DCAF5: variants seen among roughly 807,000 people sequenced by gnomAD.
DCAF5 encodes the protein DDB1 and CUL4 associated factor 5, also known as DDB1- and CUL4-associated factor 5.
A neutral mutation model predicts 80.7 loss-of-function variants in DCAF5; 9 were observed. The observed-to-expected ratio is 0.11, with a 90% CI of 0.07 to 0.19. The LOEUF is 0.19. Among genes scored for constraint, DCAF5 ranks in the 10% least tolerant of loss-of-function variants. The pLI, the probability that DCAF5 is intolerant of heterozygous loss-of-function variation, is 1.00. For missense variants in DCAF5, 842 were observed against 1,205.7 expected, an observed-to-expected ratio of 0.70 and a Z score of 4.47; for synonymous variants, 433 against 461.9, an observed-to-expected ratio of 0.94 and a Z score of 0.80.
intron 1 of DCAF5, among the ~76,000 whole-genome samples, 169 bp from the exon 2 acceptor site, chr14:69,122,529 C>T (rs2040754005): frequency 6.6e-6 from 1 of 152,156 alleles, no homozygotes; most frequent in African/African-American, 2.4e-5. Context: ...CATCAATAGG[C>T]ACGTGTTCTC....
At chr14:69,138,526 C>T (rs2041260799) in intron 1 of DCAF5, among the ~76,000 whole-genome samples, 1 of 152,186 alleles carries the variant, frequency 6.6e-6, no homozygotes, top group African/African-American at 2.4e-5. Context: ...GCAGAGTAAG[C>T]CACTTAGGAG....
In DCAF5 at chr14:69,118,687, G is replaced by A. The variant is rs1221613938; in HGVS notation, c.396-409C>T. Among the ~76,000 whole-genome samples the A allele has an allele frequency of 6.6e-6, 1 of 152,204 alleles. No homozygotes were observed. The highest frequency in any genetic ancestry group is 2.4e-5 in the African/African-American group (1 of 41,458). On this transcript the variant is annotated intron_variant, in intron 3 of 8. Transcript: ENST00000341516. This position sits in a 1 kb window ranked among gnomAD's most constrained non-coding sequence, Gnocchi z 4.0. ...GGGTCTCCTAGCAATCTGGCATGGT[G>A]ATGAAGAGCATGGCTCTGAGGCCAG...
intron 7 of DCAF5, among the ~76,000 whole-genome samples, chr14:69,071,227 C>A (rs1454034160): frequency 6.6e-6 from 1 of 152,138 alleles, no homozygotes; most frequent in African/African-American, 2.4e-5. Context: ...ATCTCCTCAG[C>A]CCACTAGGAA....
intron 1 of DCAF5, among the ~76,000 whole-genome samples, chr14:69,147,999 AC>A (rs2041589418): frequency 6.6e-6 from 1 of 151,874 alleles, no homozygotes; most frequent in African/African-American, 2.4e-5. Context: ...CAAGCCCTTT[AC>A]AACATATAAA....
At position 69,152,547 on chromosome 14, in the gene DCAF5, A is replaced by T; in HGVS notation, c.214+218T>A. The T allele has an allele frequency of 1.7e-6, 1 of 573,678 alleles. No homozygotes were observed. The highest frequency in any genetic ancestry group is 3.1e-5 in the Admixed American group (1 of 32,618). 35.5% of individuals were successfully genotyped at this position (573,678 alleles called of 1,614,324 possible). A position where few individuals can be genotyped will look rare whatever the true frequency, so the allele number is the denominator to read the frequency against. Reference sequence around the variant, plus strand: ...GCACTTGGGATAAAGCGAATTAAGGAGCTGTCAACCATTTTAGGTCTTTTT... The same window carrying T: ...GCACTTGGGATAAAGCGAATTAAGGTGCTGTCAACCATTTTAGGTCTTTTT... On this transcript the variant is annotated intron_variant, in intron 1 of 8. Transcript: ENST00000341516. The surrounding 1 kb of genome is among the most constrained non-coding windows in gnomAD (Gnocchi z 4.1).
chr14:69,106,710 A>C (rs981547158), intron 5 of DCAF5, among the ~76,000 whole-genome samples: 1 of 152,146 alleles, frequency 6.6e-6, no homozygotes, highest in Non-Finnish European at 1.5e-5. Context: ...TTACCATAAA[A>C]ATTTTTAAGA....
At chr14:69,108,216 C>T (rs918379945) in intron 5 of DCAF5, among the ~76,000 whole-genome samples, 2 of 152,124 alleles carry the variant, frequency 1.3e-5, no homozygotes, top group African/African-American at 4.8e-5. Flanking sequence ...CACTCTGTGC[C>T]AAAATAGTGC....
chr14:69,119,489 GT>G (rs1302853663), intron 2 of DCAF5, among the ~76,000 whole-genome samples: 1 of 146,402 alleles, frequency 6.8e-6, no homozygotes, highest in East Asian at 2.2e-4. Context: ...AGTGGATGAT[GT>G]AAAAAAAAAA....
At chr14:69,111,956 T>C (rs956182009) in intron 5 of DCAF5, among the ~76,000 whole-genome samples, 3 of 152,186 alleles carry the variant, frequency 2.0e-5, no homozygotes, top group Admixed American at 2.0e-4. Context: ...GGGATACACC[T>C]GTATTAAGAC....
chr14:69,098,964 A>ACTAACAGGC (rs1179024280), intron 5 of DCAF5, among the ~76,000 whole-genome samples: 1 of 148,728 alleles, frequency 6.7e-6, no homozygotes, highest in Non-Finnish European at 1.5e-5. Flanking sequence ...TTAAAACAAA[A>ACTAACAGGC]CTAACAGGCC....
chr14:69,135,901 T>G (rs1444347679), intron 1 of DCAF5, among the ~76,000 whole-genome samples: 1 of 152,170 alleles, frequency 6.6e-6, no homozygotes, highest in Non-Finnish European at 1.5e-5. Context: ...AAATGATGCA[T>G]GGGAGGAAAG....
chr14:69,123,636 A>C (rs1261136341), intron 1 of DCAF5, among the ~76,000 whole-genome samples: 1 of 152,202 alleles, frequency 6.6e-6, no homozygotes, highest in Non-Finnish European at 1.5e-5. Context: ...GAAATTTTTC[A>C]TCATCCCAAA....
rs187274001 is a variant in DCAF5 at position 69,143,637 on chromosome 14, C to T, written c.214+9128G>A. Among the ~76,000 whole-genome samples the T allele has an allele frequency of 8.2e-4, 121 of 147,384 alleles. 2 individuals are homozygous for T. The South Asian group carries it at 9.9e-3, about 12-fold the overall frequency. ...AGGCATTCCTTAATTTGGTAGGCGCCGGGGAGTGCTGCAGATCAGCAGGGG... is the reference window on the plus strand; with the variant it reads ...AGGCATTCCTTAATTTGGTAGGCGCTGGGGAGTGCTGCAGATCAGCAGGGG... On this transcript the variant is annotated intron_variant, in intron 1 of 8. Coordinates refer to ENST00000341516, the MANE Select transcript of DCAF5 (RefSeq NM_003861.3).
In DCAF5 at chr14:69,089,995, T is replaced by C. The variant is rs898959855; in HGVS notation, c.879+1679A>G. On this transcript the variant is annotated intron_variant, in intron 6 of 8. Coordinates refer to ENST00000341516, the MANE Select transcript of DCAF5 (RefSeq NM_003861.3). ...CTGGGTCTTCTAAGGTCCATGAAGATAGGCTTTGTTGCTAAACACAACCTG... is the reference window on the plus strand; with the variant it reads ...CTGGGTCTTCTAAGGTCCATGAAGACAGGCTTTGTTGCTAAACACAACCTG... 28 of 985,356 alleles carry C rather than the reference T, an allele frequency of 2.8e-5. No individual in the cohort carries two copies. The East Asian group carries it at 3.4e-4, about 12-fold the overall frequency. The allele number at this position is 985,356 out of a possible 1,614,324, so 61.0% of individuals were successfully genotyped here.
intron 8 of DCAF5, among the ~76,000 whole-genome samples, chr14:69,057,626 A>G (rs1211693080): frequency 6.6e-6 from 1 of 152,172 alleles, no homozygotes; most frequent in Non-Finnish European, 1.5e-5. Flanking sequence ...GTTAGTTTGC[A>G]TTTGAGCTCT....
At position 69,062,594 on chromosome 14, in the gene DCAF5, T is replaced by C. The variant is rs576348814; in HGVS notation, c.947-83A>G. The C allele has an allele frequency of 1.3e-5, 20 of 1,496,058 alleles. No homozygotes were observed. In the East Asian group the frequency reaches 3.7e-4, roughly 28 times the overall value. 92.7% of individuals were successfully genotyped at this position (1,496,058 alleles called of 1,614,324 possible). A position where few individuals can be genotyped will look rare whatever the true frequency, so the allele number is the denominator to read the frequency against. ...TCCAGTAATGGCAGATAAACAGCTC[T>C]GAATGGGAGCAAAGATTTTTGGATT... On this transcript the variant is annotated intron_variant, in intron 7 of 8. Coordinates refer to ENST00000341516, the MANE Select transcript of DCAF5 (RefSeq NM_003861.3).
At chr14:69,107,219 C>T (rs934491792) in intron 5 of DCAF5, among the ~76,000 whole-genome samples, 1 of 152,152 alleles carries the variant, frequency 6.6e-6, no homozygotes, top group Admixed American at 6.5e-5. Flanking sequence ...TGGTCTGAAG[C>T]GACGTCTCTT....
chr14:69,091,013 C>A, intron 6 of DCAF5: 1 of 707,848 alleles, frequency 1.4e-6, no homozygotes, highest in South Asian at 1.5e-5. Context: ...TTCAGAACTT[C>A]TATGGTTAAG....
chr14:69,124,561 T>C (rs2040820167), intron 1 of DCAF5, among the ~76,000 whole-genome samples: 1 of 152,220 alleles, frequency 6.6e-6, no homozygotes. Context: ...ATGTCTTAAG[T>C]GTGGCCCACA....
Sources: gnomAD v4.1 joint callset for allele counts (sites outside exome capture counted in the v4.1 genomes callset) on GRCh38, gnomAD v4.1.1 for gene constraint, Gnocchi (gnomAD v3.1) non-coding constraint, MANE v1.5 for transcripts, NCBI Gene and HGNC (gene_info 2026-07-23, HGNC 2026-07-21) for gene names.